The following EXT1 variants were observed in gnomAD, a reference collection of about 807,000 sequenced individuals.
The protein encoded by EXT1 is exostosin glycosyltransferase 1.
EXT1 carries 20 observed loss-of-function variants against 82.5 expected under a neutral mutation model. The ratio of observed to expected loss-of-function variants is 0.24; its 90% CI spans 0.17 to 0.35. EXT1 has a LOEUF of 0.35. Ranked by LOEUF, EXT1 falls within the 10% of genes least tolerant of loss-of-function variation. The pLI, the probability that EXT1 is intolerant of heterozygous loss-of-function variation, is 1.00. For synonymous variants in EXT1, 348 were observed against 350.8 expected, an observed-to-expected ratio of 0.99 and a Z score of 0.09; for missense variants, 757 against 936.5, an observed-to-expected ratio of 0.81 and a Z score of 2.50.
intron 1 of EXT1, among the ~76,000 whole-genome samples, chr8:117,914,271 G>A (rs1463231929): frequency 6.6e-6 from 1 of 152,136 alleles, no homozygotes; most frequent in Non-Finnish European, 1.5e-5. Flanking sequence ...TCTTACACTT[G>A]TCTTACTTTA....
At chr8:117,958,666 G>A (rs1814636168) in intron 1 of EXT1, among the ~76,000 whole-genome samples, 1 of 152,092 alleles carries the variant, frequency 6.6e-6, no homozygotes, top group Non-Finnish European at 1.5e-5. Flanking sequence ...TTTAATATCA[G>A]AGAAACACAA....
chr8:117,882,212 T>C (rs1813072878), intron 1 of EXT1, among the ~76,000 whole-genome samples: 1 of 152,128 alleles, frequency 6.6e-6, no homozygotes, highest in South Asian at 2.1e-4. Flanking sequence ...TCCTGAGTAG[T>C]TGGGACTACA....
chr8:117,810,793 T>C (rs779572076), intron 8 of EXT1, among the ~76,000 whole-genome samples: 23 of 152,176 alleles, frequency 1.5e-4, no homozygotes, highest in Non-Finnish European at 2.6e-4. Context: ...TGGACCCCTA[T>C]GGACTGCATC....
At chr8:118,044,627 G>A (rs1320650969) in intron 1 of EXT1, among the ~76,000 whole-genome samples, 1 of 152,004 alleles carries the variant, frequency 6.6e-6, no homozygotes, top group African/African-American at 2.4e-5. Flanking sequence ...GGCTGGTCTC[G>A]AACTCCCAAC....
intron 1 of EXT1, among the ~76,000 whole-genome samples, chr8:118,038,792 A>G (rs1816472249): frequency 6.6e-6 from 1 of 152,186 alleles, no homozygotes; most frequent in African/African-American, 2.4e-5. Flanking sequence ...AAAGATCCTA[A>G]TACACCTGGC....
chr8:117,909,363 G>A (rs1563598093), intron 1 of EXT1, among the ~76,000 whole-genome samples: 1 of 152,102 alleles, frequency 6.6e-6, no homozygotes, highest in Non-Finnish European at 1.5e-5. Flanking sequence ...TGAGAACACT[G>A]GAGTTTAAAG....
At chr8:118,044,700 C>T (rs1027050093) in intron 1 of EXT1, among the ~76,000 whole-genome samples, 9 of 152,210 alleles carry the variant, frequency 5.9e-5, no homozygotes, top group East Asian at 1.9e-4. Context: ...AGCCACCGTG[C>T]GCGGCTGATT....
intron 1 of EXT1, among the ~76,000 whole-genome samples, chr8:117,858,772 G>T: frequency 8.7e-6 from 1 of 114,788 alleles, no homozygotes; most frequent in African/African-American, 3.9e-5. Flanking sequence ...AAGGAAGGCA[G>T]GCAGGCAGGC....
intron 1 of EXT1, among the ~76,000 whole-genome samples, chr8:117,856,633 C>G (rs1587013472): frequency 6.6e-6 from 1 of 151,864 alleles, no homozygotes; most frequent in African/African-American, 2.4e-5. Flanking sequence ...TTGAACCTAG[C>G]AGAGGTTGGC....
intron 1 of EXT1, among the ~76,000 whole-genome samples, chr8:117,904,732 A>G (rs139072021): frequency 4.5e-4 from 68 of 152,216 alleles, no homozygotes; most frequent in African/African-American, 1.4e-3. Context: ...GGACTAAATT[A>G]TATTATCAAG....
intron 1 of EXT1, among the ~76,000 whole-genome samples, chr8:118,102,071 C>G (rs1437467007): frequency 6.6e-6 from 1 of 151,814 alleles, no homozygotes; most frequent in Non-Finnish European, 1.5e-5. Context: ...ATTCAAGACC[C>G]GCCTGGCCAA....
chr8:117,813,459 C>T (rs111404549), intron 7 of EXT1, among the ~76,000 whole-genome samples: 29 of 151,786 alleles, frequency 1.9e-4, no homozygotes, highest in South Asian at 6.3e-4. Context: ...AGAGAACCTG[C>T]ATCCTGACAC....
intron 1 of EXT1, among the ~76,000 whole-genome samples, chr8:118,004,491 G>C (rs1360383268): frequency 6.6e-6 from 1 of 152,190 alleles, no homozygotes; most frequent in East Asian, 1.9e-4. Context: ...TGGCTGAGGA[G>C]GAAGAAGCAC....
chr8:118,073,145 T>C (rs150607287), intron 1 of EXT1, among the ~76,000 whole-genome samples: 1 of 152,328 alleles, frequency 6.6e-6, no homozygotes, highest in East Asian at 1.9e-4. Flanking sequence ...CAGAGGAAAA[T>C]ATATTCACTT....
chr8:117,824,326 G>T (rs1811973891), intron 4 of EXT1, among the ~76,000 whole-genome samples: 1 of 152,060 alleles, frequency 6.6e-6, no homozygotes, highest in Non-Finnish European at 1.5e-5. Context: ...TTTTGGTTCG[G>T]CATCACAACA....
At chr8:117,977,593 T>C (rs1586320671) in intron 1 of EXT1, among the ~76,000 whole-genome samples, 1 of 152,240 alleles carries the variant, frequency 6.6e-6, no homozygotes, top group East Asian at 1.9e-4. Context: ...GTCAGCTGGA[T>C]ACAAAGAACA....
At chr8:118,089,928 GA>G (rs1349346184) in intron 1 of EXT1, among the ~76,000 whole-genome samples, 1 of 152,220 alleles carries the variant, frequency 6.6e-6, no homozygotes, top group African/African-American at 2.4e-5. Flanking sequence ...CTAAAAGGAA[GA>G]AGCAGAGAGT....
intron 1 of EXT1, among the ~76,000 whole-genome samples, chr8:117,996,072 G>C (rs916710632): frequency 1.3e-5 from 2 of 152,268 alleles, no homozygotes; most frequent in Non-Finnish European, 2.9e-5. Flanking sequence ...TTTGAATCCA[G>C]ACAGGATAAA....
At chr8:117,802,099 T>A (rs1162914809) in intron 10 of EXT1, among the ~76,000 whole-genome samples, 1 of 152,180 alleles carries the variant, frequency 6.6e-6, no homozygotes, top group Non-Finnish European at 1.5e-5. Context: ...TAAATTAATG[T>A]GTATGATGGA....
Sources: gnomAD v4.1 joint callset for allele counts (sites outside exome capture counted in the v4.1 genomes callset) on GRCh38, gnomAD v4.1.1 for gene constraint, MANE v1.5 for transcripts, NCBI Gene and HGNC (gene_info 2026-07-23, HGNC 2026-07-21) for gene names.